THSD7A: variants seen among roughly 807,000 people sequenced by gnomAD.
The protein encoded by THSD7A is thrombospondin type-1 domain-containing protein 7A.
THSD7A carries 96 observed loss-of-function variants against 231.3 expected under a neutral mutation model. That is an observed-to-expected ratio of 0.41 (90% CI 0.35 to 0.49). THSD7A has a LOEUF of 0.49. THSD7A is among the 20% of genes least tolerant of loss of function. The probability of loss-of-function intolerance (pLI) is 0.05; values close to 1 mark genes in which losing one functional copy is unlikely to be tolerated. For synonymous variants in THSD7A, 940 were observed against 743.3 expected, an observed-to-expected ratio of 1.26 and a Z score of -4.30; for missense variants, 2,290 against 2,070.2, an observed-to-expected ratio of 1.11 and a Z score of -2.06.
At chr7:11,614,376 A>G (rs1315725947) in intron 2 of THSD7A, among the ~76,000 whole-genome samples, 1 of 152,200 alleles carries the variant, frequency 6.6e-6, no homozygotes, top group African/African-American at 2.4e-5. Flanking sequence ...GGCAACAAAA[A>G]GGGGAGATTT....
intron 1 of THSD7A, among the ~76,000 whole-genome samples, chr7:11,706,537 A>G (rs1780771937): frequency 6.6e-6 from 1 of 150,464 alleles, no homozygotes; most frequent in Admixed American, 6.7e-5. Flanking sequence ...GTCTTTAGTA[A>G]CATCTATACT....
chr7:11,503,092 T>C (rs546287072), intron 6 of THSD7A, among the ~76,000 whole-genome samples: 3 of 152,264 alleles, frequency 2.0e-5, no homozygotes, highest in African/African-American at 7.2e-5. Context: ...CAAAACAGCA[T>C]GGTACTGATT....
In THSD7A at chr7:11,831,727, A is replaced by G. The variant is rs765627734; in HGVS notation, c.190+30T>C. On this transcript the variant is annotated intron_variant, in intron 1 of 27. Coordinates refer to ENST00000423059, the MANE Select transcript of THSD7A (RefSeq NM_015204.3). The surrounding 1 kb of genome is among the most constrained non-coding windows in gnomAD (Gnocchi z 5.0). ...CCTTAATGTGGCCCCAGATGTGAAGATGGGGAAAGGGTAACTCCGTCCCAC... is the reference window on the plus strand; with the variant it reads ...CCTTAATGTGGCCCCAGATGTGAAGGTGGGGAAAGGGTAACTCCGTCCCAC... 1.6e-5 allele frequency: 22 copies of G among 1,371,548 alleles called. No homozygotes were observed. In the South Asian group the frequency reaches 4.0e-4, roughly 25 times the overall value. 85.0% of individuals were successfully genotyped at this position (1,371,548 alleles called of 1,614,324 possible). A position where few individuals can be genotyped will look rare whatever the true frequency, so the allele number is the denominator to read the frequency against.
intron 23 of THSD7A, among the ~76,000 whole-genome samples, chr7:11,391,033 C>G (rs1228888886): frequency 1.3e-5 from 2 of 152,220 alleles, no homozygotes; most frequent in Non-Finnish European, 2.9e-5. Context: ...TGTCTTTTGT[C>G]CCCTACTGGG....
intron 17 of THSD7A, 81 bp from the exon 18 acceptor site, chr7:11,412,881 G>GAGTT (rs1583693515): frequency 1.3e-6 from 2 of 1,490,332 alleles, no homozygotes; most frequent in Admixed American, 4.1e-5. Flanking sequence ...ACTGGAGCAG[G>GAGTT]AGTTAGAACA....
At chr7:11,715,043 T>G (rs957505426) in intron 1 of THSD7A, among the ~76,000 whole-genome samples, 1 of 151,450 alleles carries the variant, frequency 6.6e-6, no homozygotes, top group Non-Finnish European at 1.5e-5. Flanking sequence ...TTATTTGTGT[T>G]GAATAACAAC....
chr7:11,751,226 T>TTGTC (rs1319338661), intron 1 of THSD7A: 1 of 152,000 alleles, frequency 6.6e-6, no homozygotes, highest in African/African-American at 2.4e-5. Context: ...AGCCGGATAG[T>TTGTC]TGTCTGTTGG....
rs906106757 is a variant in THSD7A, at chr7:11,634,612, TAC to T, written c.1022+1516_1022+1517del. Among the ~76,000 whole-genome samples the T allele has an allele frequency of 7.0e-6, 1 of 143,418 alleles. No individual in the cohort carries two copies. The highest frequency in any genetic ancestry group is 2.2e-4 in the South Asian group (1 of 4,446). The allele number at this position is 143,418 out of a possible 152,430, so 94.1% of individuals were successfully genotyped here. On this transcript the variant is annotated intron_variant, in intron 2 of 27. Transcript: ENST00000423059. This position sits in a 1 kb window ranked among gnomAD's most constrained non-coding sequence, Gnocchi z 4.1. ...AGAGGTACACACACACACACACACA[TAC>T]ACACACACACATTTAAGGAGTTGTA... is the stretch of plus-strand genomic sequence containing the variant.
chr7:11,647,832 C>T (rs887437681), intron 1 of THSD7A, among the ~76,000 whole-genome samples: 2 of 151,994 alleles, frequency 1.3e-5, no homozygotes, highest in Non-Finnish European at 1.5e-5. Context: ...GTAGTTTGAC[C>T]AGCCTCGGTG....
intron 16 of THSD7A, among the ~76,000 whole-genome samples, chr7:11,418,448 G>A (rs1026054710): frequency 2.0e-5 from 3 of 152,120 alleles, no homozygotes; most frequent in African/African-American, 4.8e-5. Flanking sequence ...TATAGCAGGA[G>A]AGAAAACCTT....
intron 1 of THSD7A, among the ~76,000 whole-genome samples, chr7:11,818,874 G>GT (rs60803827): frequency 4.4e-4 from 66 of 151,696 alleles, no homozygotes; most frequent in African/African-American, 1.4e-3. Context: ...TTCCCATGTG[G>GT]TTTTTTTTCA....
chr7:11,738,509 T>G (rs920136505), intron 1 of THSD7A, among the ~76,000 whole-genome samples: 2 of 152,080 alleles, frequency 1.3e-5, no homozygotes, highest in African/African-American at 4.8e-5. Flanking sequence ...TATGATGTAG[T>G]TGTTAACCAT....
chr7:11,578,550 T>C (rs770545795), intron 4 of THSD7A, among the ~76,000 whole-genome samples: 5 of 152,204 alleles, frequency 3.3e-5, no homozygotes, highest in Non-Finnish European at 7.3e-5. Flanking sequence ...TAAAACACTA[T>C]GCCCTCTCTC....
intron 1 of THSD7A, among the ~76,000 whole-genome samples, chr7:11,640,871 A>T (rs1782053364): frequency 6.6e-6 from 1 of 152,146 alleles, no homozygotes; most frequent in Non-Finnish European, 1.5e-5. Flanking sequence ...CTTTATAAAA[A>T]ATAAAAATGC....
chr7:11,628,483 G>A (rs1474333793), intron 2 of THSD7A, among the ~76,000 whole-genome samples: 4 of 152,098 alleles, frequency 2.6e-5, no homozygotes, highest in African/African-American at 9.7e-5. Context: ...TTCTCTAGGA[G>A]GCCATTCTTG....
At chr7:11,669,892 C>T (rs769299045) in intron 1 of THSD7A, among the ~76,000 whole-genome samples, 1 of 151,974 alleles carries the variant, frequency 6.6e-6, no homozygotes, top group Non-Finnish European at 1.5e-5. Context: ...GCTTTGTTGC[C>T]TCACTGAAGC....
At chr7:11,656,855 A>G (rs554158710) in intron 1 of THSD7A, among the ~76,000 whole-genome samples, 1 of 152,000 alleles carries the variant, frequency 6.6e-6, no homozygotes, top group African/African-American at 2.4e-5. Flanking sequence ...TGTAAGAAAA[A>G]TCAAATTGTT....
chr7:11,587,663 T>C (rs1779968473), intron 4 of THSD7A, among the ~76,000 whole-genome samples: 1 of 152,172 alleles, frequency 6.6e-6, no homozygotes, highest in Admixed American at 6.6e-5. Flanking sequence ...ATTAAATGTA[T>C]TAACTCCGAG....
At chr7:11,655,083 C>T (rs536454478) in intron 1 of THSD7A, among the ~76,000 whole-genome samples, 55 of 151,906 alleles carry the variant, frequency 3.6e-4, no homozygotes, top group African/African-American at 1.3e-3. Flanking sequence ...ACCCTGGTGT[C>T]CTGACTTCTC....
Sources: allele counts gnomAD v4.1 joint callset (sites outside exome capture counted in the v4.1 genomes callset), GRCh38; gene constraint gnomAD v4.1.1; non-coding constraint Gnocchi (gnomAD v3.1); transcripts MANE v1.5; gene names NCBI Gene and HGNC (gene_info 2026-07-23, HGNC 2026-07-21).